Variants in PPARGC1A observed in about 807,000 individuals in gnomAD.
PPARGC1A encodes the protein PPARG coactivator 1 alpha.
A neutral mutation model predicts 88.7 loss-of-function variants in PPARGC1A; 25 were observed. That is an observed-to-expected ratio of 0.28 (90% CI 0.21 to 0.39). The LOEUF (loss-of-function observed/expected upper bound fraction) is 0.39. Ranked by LOEUF, PPARGC1A falls within the 10% of genes least tolerant of loss-of-function variation. The pLI is 1.00. For synonymous variants in PPARGC1A, 363 were observed against 355.6 expected (o/e 1.02, Z -0.24); for missense variants, 880 against 968.7 (o/e 0.91, Z 1.22).
the PPARGC1A span, among the ~76,000 whole-genome samples, chr4:23,980,185 CAAAAAAAAAAAA>C: frequency 2.2e-5 from 2 of 89,516 alleles, no homozygotes; most frequent in African/African-American, 4.4e-5. Flanking sequence ...TCCCAGCCAG[CAAAAAAAAAAAA>C]AAAAAAAAAA....
chr4:24,171,539 C>T, the PPARGC1A span, among the ~76,000 whole-genome samples: 1 of 152,128 alleles, frequency 6.6e-6, no homozygotes, highest in Non-Finnish European at 1.5e-5. Flanking sequence ...GTCTTACTCT[C>T]CCCTCTAGAG....
At chr4:23,806,341 A>G (rs1407658402) in intron 10 of PPARGC1A, among the ~76,000 whole-genome samples, 14 of 152,226 alleles carry the variant, frequency 9.2e-5, no homozygotes. Context: ...TGATTCTTTT[A>G]AACATGTTGC....
chr4:24,257,855 AAGAG>A, the PPARGC1A span, among the ~76,000 whole-genome samples: 21 of 152,328 alleles, frequency 1.4e-4, no homozygotes, highest in African/African-American at 4.8e-4. Flanking sequence ...AAAAGAAAGG[AAGAG>A]AGAGTTGAGA....
At chr4:24,434,877 A>G in the PPARGC1A span, among the ~76,000 whole-genome samples, 3 of 152,218 alleles carry the variant, frequency 2.0e-5, no homozygotes, top group African/African-American at 4.8e-5. Context: ...GCTGTCAATG[A>G]CAGCTGCCCG....
At chr4:24,448,506 T>C in the PPARGC1A span, among the ~76,000 whole-genome samples, 3 of 152,200 alleles carry the variant, frequency 2.0e-5, no homozygotes, top group Admixed American at 2.0e-4. Context: ...TCCCATGCTT[T>C]AAAATCTCCA....
At chr4:24,388,838 A>C in the PPARGC1A span, among the ~76,000 whole-genome samples, 6 of 151,992 alleles carry the variant, frequency 3.9e-5, no homozygotes, top group Non-Finnish European at 8.8e-5. Context: ...GGGCTAGGGG[A>C]GGGATAGCAT....
the PPARGC1A span, among the ~76,000 whole-genome samples, chr4:24,008,042 T>G: frequency 2.5e-3 from 386 of 152,270 alleles, 3 homozygotes; most frequent in African/African-American, 8.6e-3. Context: ...TAAAGGTTCC[T>G]GCTGCAGATG....
the PPARGC1A span, among the ~76,000 whole-genome samples, chr4:24,061,080 G>C: frequency 6.6e-6 from 1 of 151,688 alleles, no homozygotes; most frequent in South Asian, 2.1e-4. Flanking sequence ...AGAAAAGAAA[G>C]AAAAAGAGGA....
the PPARGC1A span, among the ~76,000 whole-genome samples, chr4:23,960,242 A>T: frequency 1.3e-5 from 2 of 152,118 alleles, no homozygotes; most frequent in African/African-American, 2.4e-5. Context: ...GACACCTGGC[A>T]ATATCAGGGG....
chr4:23,923,497 T>TA, the PPARGC1A span, among the ~76,000 whole-genome samples: 1 of 151,988 alleles, frequency 6.6e-6, no homozygotes, highest in Admixed American at 6.6e-5. Context: ...ATGAATAAGA[T>TA]ATGGGTGGTC....
At chr4:24,066,456 G>C in the PPARGC1A span, among the ~76,000 whole-genome samples, 14 of 152,240 alleles carry the variant, frequency 9.2e-5, no homozygotes, top group Non-Finnish European at 1.9e-4. Context: ...TTAGCATAAT[G>C]GTATCATAAC....
At chr4:24,279,473 G>T in the PPARGC1A span, among the ~76,000 whole-genome samples, 1 of 152,164 alleles carries the variant, frequency 6.6e-6, no homozygotes, top group Non-Finnish European at 1.5e-5. Flanking sequence ...AACGGGGGGA[G>T]AAGAAAACAA....
At chr4:23,908,182 C>A (rs1010512810), upstream of PPARGC1A, among the ~76,000 whole-genome samples, 9 of 152,308 alleles carry the variant, frequency 5.9e-5, no homozygotes, top group Non-Finnish European at 1.2e-4. Flanking sequence ...ACAGTGTCTG[C>A]ATTTTCCAAT....
chr4:24,009,429 G>C, the PPARGC1A span, among the ~76,000 whole-genome samples: 2 of 152,148 alleles, frequency 1.3e-5, no homozygotes, highest in South Asian at 4.1e-4. Flanking sequence ...GGCAATGTGA[G>C]TGACATTAAA....
chr4:24,021,390 C>T, the PPARGC1A span, among the ~76,000 whole-genome samples: 1 of 152,220 alleles, frequency 6.6e-6, no homozygotes, highest in Non-Finnish European at 1.5e-5. Context: ...GATGTCCTAA[C>T]AGTGATATGT....
chr4:23,896,973 C>G (rs1718675285), intron 1 of PPARGC1A, among the ~76,000 whole-genome samples: 3 of 152,172 alleles, frequency 2.0e-5, no homozygotes, highest in African/African-American at 7.2e-5. Flanking sequence ...CAGCCCATCC[C>G]TAAATGTGAA....
the PPARGC1A span, among the ~76,000 whole-genome samples, chr4:24,287,904 C>T: frequency 6.6e-6 from 1 of 152,088 alleles, no homozygotes; most frequent in Non-Finnish European, 1.5e-5. Flanking sequence ...CATTTAGCAG[C>T]CTTAAACGTT....
chr4:24,239,215 G>C, the PPARGC1A span, among the ~76,000 whole-genome samples: 1 of 152,124 alleles, frequency 6.6e-6, no homozygotes, highest in Admixed American at 6.6e-5. Context: ...TACCAAGCTA[G>C]GCAGGCACAA....
At chr4:24,199,988 A>T in the PPARGC1A span, among the ~76,000 whole-genome samples, 1 of 152,242 alleles carries the variant, frequency 6.6e-6, no homozygotes, top group African/African-American at 2.4e-5. Context: ...ACACGAGAAT[A>T]GGAATCTATT....
Sources: allele counts gnomAD v4.1 joint callset (sites outside exome capture counted in the v4.1 genomes callset), GRCh38; gene constraint gnomAD v4.1.1; transcripts MANE v1.5; gene names NCBI Gene and HGNC (gene_info 2026-07-23, HGNC 2026-07-21).